The following RANBP3 variants were observed in gnomAD, a reference collection of about 807,000 sequenced individuals.
RANBP3 encodes ran-binding protein 3.
A neutral mutation model predicts 77.3 loss-of-function variants in RANBP3; 14 were observed. The observed-to-expected ratio is 0.18, with a 90% CI of 0.12 to 0.28. RANBP3 has a LOEUF of 0.28. Ranked by LOEUF, RANBP3 falls within the 10% of genes least tolerant of loss-of-function variation. RANBP3 has a pLI of 1.00. For missense variants in RANBP3, 586 were observed against 752.3 expected, an observed-to-expected ratio of 0.78 and a Z score of 2.59; for synonymous variants, 315 against 312.4, an observed-to-expected ratio of 1.01 and a Z score of -0.09.
intron 13 of RANBP3, 74 bp downstream of exon 13, chr19:5,923,120 G>A: frequency 6.6e-6 from 8 of 1,207,110 alleles, no homozygotes; most frequent in Admixed American, 5.3e-5. Context: ...CAGAGGATGT[G>A]GGCCCAGCCC....
chr19:5,961,618 A>G lies in RANBP3; in HGVS notation c.23-3645T>C, dbSNP rs1190076936. Reference sequence around the variant, plus strand: ...GCGTGGTGGCGCAACCTGTAAGCCCAGCTACTCAAGAGGCTGAGGCAGGAG... The same window carrying G: ...GCGTGGTGGCGCAACCTGTAAGCCCGGCTACTCAAGAGGCTGAGGCAGGAG... On this transcript the variant is annotated intron_variant, in intron 1 of 16. Transcript: ENST00000340578. Among the ~76,000 whole-genome samples, 2 of 152,170 alleles carry G rather than the reference A, an allele frequency of 1.3e-5. 1 individual carries two copies. The highest frequency in any genetic ancestry group is 1.3e-4 in the Admixed American group (2 of 15,278).
intron 5 of RANBP3, chr19:5,935,691 C>T (rs1184905689): frequency 4.4e-6 from 2 of 456,300 alleles, no homozygotes; most frequent in African/African-American, 2.0e-5. Flanking sequence ...CGACCTGCCA[C>T]TAGTGCTAGG....
intron 5 of RANBP3, among the ~76,000 whole-genome samples, chr19:5,940,600 G>A (rs1227064766): frequency 1.3e-5 from 2 of 152,208 alleles, no homozygotes; most frequent in East Asian, 1.9e-4. Context: ...GGCTTCCTAC[G>A]CTGTGTGTTC....
At position 5,952,240 on chromosome 19, in the gene RANBP3, T is replaced by C. The variant is rs536092805; in HGVS notation, c.79-644A>G. 5.9e-5 allele frequency among the ~76,000 whole-genome samples: 9 copies of C among 152,228 alleles called. No homozygotes were observed. Among genetic ancestry groups the C allele is most frequent in the Non-Finnish European group, 1.2e-4 (8 of 68,004 alleles). On this transcript the variant is annotated intron_variant, in intron 2 of 16. Coordinates refer to ENST00000340578, the MANE Select transcript of RANBP3 (RefSeq NM_007322.3). This position sits in a 1 kb window ranked among gnomAD's most constrained non-coding sequence, Gnocchi z 4.1. ...CACTGAGAGCTGGTTTTTGCATCAG[T>C]GGCAGGCGGGTAGTTCAGATGAAGG...
At chr19:5,930,094 C>T (rs544384599) in intron 8 of RANBP3, among the ~76,000 whole-genome samples, 2 of 152,334 alleles carry the variant, frequency 1.3e-5, no homozygotes, top group African/African-American at 4.8e-5. Flanking sequence ...CACTCACCAT[C>T]GGGGACAATC....
chr19:5,952,562 C>G lies in RANBP3; in HGVS notation c.79-966G>C, dbSNP rs996030640. Among the ~76,000 whole-genome samples the G allele has an allele frequency of 6.6e-6, 1 of 152,214 alleles. No homozygotes were observed. The highest frequency in any genetic ancestry group is 1.5e-5 in the Non-Finnish European group (1 of 68,046). On this transcript the variant is annotated intron_variant, in intron 2 of 16. Transcript: ENST00000340578. This position sits in a 1 kb window ranked among gnomAD's most constrained non-coding sequence, Gnocchi z 4.1. The stretch of plus-strand genomic sequence containing the variant: ...AAACCTCCCTCTTGGCATCGTCCAA[C>G]GACATGGAGCCATTTCTCGCACTCG...
chr19:5,977,984 C>T (rs1284499393), intron 1 of RANBP3, 77 bp downstream of exon 1: 12 of 1,584,742 alleles, frequency 7.6e-6, no homozygotes, highest in Non-Finnish European at 1.0e-5. Context: ...GGTGCTCCCC[C>T]CAAGGGCTTG....
chr19:5,922,303 A>G (rs779240472), intron 13 of RANBP3, among the ~76,000 whole-genome samples: 3 of 152,242 alleles, frequency 2.0e-5, no homozygotes, highest in Non-Finnish European at 2.9e-5. Flanking sequence ...ATACCCCCTA[A>G]GTCAATCTCT....
At chr19:5,951,322 C>T (rs28453379) in intron 3 of RANBP3, 71 bp downstream of exon 3, 23 of 1,403,756 alleles carry the variant, frequency 1.6e-5, no homozygotes, top group African/African-American at 1.3e-4. Context: ...CTGAGGGACC[C>T]GAAGGGAAAG....
chr19:5,929,405 C>T (rs1026566175), intron 8 of RANBP3, among the ~76,000 whole-genome samples: 7 of 152,256 alleles, frequency 4.6e-5, no homozygotes, highest in Admixed American at 2.0e-4. Context: ...CTGCTCACAC[C>T]GACTGGTGCT....
intron 1 of RANBP3, among the ~76,000 whole-genome samples, chr19:5,974,899 C>A (rs2058572092): frequency 6.6e-6 from 1 of 152,198 alleles, no homozygotes; most frequent in African/African-American, 2.4e-5. Context: ...GCTGCTCAGC[C>A]TGACACAGAG....
chr19:5,976,856 G>T (rs1022263340), intron 1 of RANBP3, among the ~76,000 whole-genome samples: 4 of 152,232 alleles, frequency 2.6e-5, no homozygotes, highest in Non-Finnish European at 5.9e-5. Context: ...TGCAGGGACT[G>T]AGCACCCGTG....
At chr19:5,931,152 C>T (rs912872816) in intron 8 of RANBP3, among the ~76,000 whole-genome samples, 9 of 152,194 alleles carry the variant, frequency 5.9e-5, no homozygotes, top group Non-Finnish European at 7.4e-5. Flanking sequence ...CAGGTCCTTC[C>T]GGCAGAGCTT....
chr19:5,931,537 G>T lies in RANBP3; in HGVS notation c.566-6C>A. On this transcript the variant is annotated splice_polypyrimidine_tract_variant and splice_region_variant and intron_variant, in intron 7 of 16. Coordinates refer to ENST00000340578, the MANE Select transcript of RANBP3 (RefSeq NM_007322.3). ...GTTGGTGCCACTGCTGGGGACTGTG[G>T]GAGGGAAGGAGAGTGGGGAATCACA... 1 of 1,602,834 alleles carries T rather than the reference G, an allele frequency of 6.2e-7. No individual in the cohort carries two copies. The highest frequency in any genetic ancestry group is 1.1e-5 in the South Asian group (1 of 90,558).
At chr19:5,931,561 C>T (rs1278802126) in intron 7 of RANBP3, 30 bp from the exon 8 acceptor site, 1 of 1,587,834 alleles carries the variant, frequency 6.3e-7, no homozygotes, top group Non-Finnish European at 8.6e-7. Flanking sequence ...TGGGGAATCA[C>T]AGGTGCTTGG....
At chr19:5,936,400 A>C (rs949265809) in intron 5 of RANBP3, among the ~76,000 whole-genome samples, 2 of 151,120 alleles carry the variant, frequency 1.3e-5, no homozygotes, top group South Asian at 4.2e-4. Context: ...GTGTGTCCCC[A>C]GCTCTGTCCG....
At chr19:5,956,846 A>C (rs1379646923) in intron 2 of RANBP3, among the ~76,000 whole-genome samples, 1 of 152,256 alleles carries the variant, frequency 6.6e-6, no homozygotes, top group East Asian at 1.9e-4. Context: ...CAGAAGCCAC[A>C]GGAGAATGGA....
At chr19:5,944,621 C>T (rs2058180393) in intron 3 of RANBP3, among the ~76,000 whole-genome samples, 3 of 152,236 alleles carry the variant, frequency 2.0e-5, no homozygotes, top group Admixed American at 2.0e-4. Flanking sequence ...CTGGGTAACC[C>T]ATGCCCTCCA....
intron 5 of RANBP3, among the ~76,000 whole-genome samples, chr19:5,936,331 CT>C (rs748132980): frequency 6.6e-6 from 1 of 152,230 alleles, no homozygotes; most frequent in Non-Finnish European, 1.5e-5. Flanking sequence ...CCACGTGCCC[CT>C]GGCGTCATCT....
Sources: allele counts gnomAD v4.1 joint callset (sites outside exome capture counted in the v4.1 genomes callset), GRCh38; gene constraint gnomAD v4.1.1; non-coding constraint Gnocchi (gnomAD v3.1); transcripts MANE v1.5; gene names NCBI Gene and HGNC (gene_info 2026-07-23, HGNC 2026-07-21).